ANKH: variants seen among roughly 807,000 people sequenced by gnomAD.
ANKH encodes the protein ANKH inorganic pyrophosphate transport regulator.
A neutral mutation model predicts 49.0 loss-of-function variants in ANKH; 15 were observed. That is an observed-to-expected ratio of 0.31 (90% confidence interval 0.20 to 0.47). The LOEUF is 0.47. Ranked by LOEUF, ANKH falls within the 20% of genes least tolerant of loss-of-function variation. The probability of loss-of-function intolerance (pLI) is 1.00; values close to 1 mark genes in which losing one functional copy is unlikely to be tolerated. For synonymous variants in ANKH, 273 were observed against 260.0 expected, an observed-to-expected ratio of 1.05 and a Z score of -0.48; for missense variants, 429 against 652.0, an observed-to-expected ratio of 0.66 and a Z score of 3.72.
At position 14,862,003 on chromosome 5, in the gene ANKH, A is replaced by C. The variant is rs965828937; in HGVS notation, c.96+9349T>G. 8.5e-5 allele frequency among the ~76,000 whole-genome samples: 13 copies of C among 152,350 alleles called. 1 individual carries two copies. The highest frequency in any genetic ancestry group is 2.9e-4 in the African/African-American group (12 of 41,582). The stretch of plus-strand genomic sequence containing the variant: ...GTAATCCCAGCACTTTGGGAGGCCA[A>C]GGCAGGTGGATCACTTGAGGTCAGG... On this transcript the variant is annotated intron_variant, in intron 1 of 11. Transcript: ENST00000284268.
Position 14,871,617 on chromosome 5 carries a change from T to A in ANKH, c.-170A>T, listed in dbSNP as rs2126640821. ...GCTCCTCCTCGCGGCTGCGGCGCCT[T>A]CTCCGAGCGCGGCTGCTCTAGCAGG... On this transcript the variant is annotated 5_prime_UTR_variant, in exon 1 of 12. Coordinates refer to ENST00000284268, the MANE Select transcript of ANKH (RefSeq NM_054027.6). The A allele has an allele frequency of 5.7e-6, 1 of 174,924 alleles. No individual in the cohort carries two copies. The allele number at this position is 174,924 out of a possible 1,614,324, so 10.8% of individuals were successfully genotyped here. A position where few individuals can be genotyped will look rare whatever the true frequency, so the allele number is the denominator to read the frequency against.
intron 1 of ANKH, among the ~76,000 whole-genome samples, chr5:14,851,347 C>T (rs1224335394): frequency 6.6e-6 from 1 of 152,184 alleles, no homozygotes; most frequent in African/African-American, 2.4e-5. Flanking sequence ...AAGTGCCATT[C>T]GGGGCTCAGA....
chr5:14,794,730 C>T (rs1740317862), intron 1 of ANKH, among the ~76,000 whole-genome samples: 2 of 152,226 alleles, frequency 1.3e-5, no homozygotes, highest in African/African-American at 4.8e-5. Flanking sequence ...ATATAAGAAG[C>T]TTGCTCCTGA....
intron 4 of ANKH, among the ~76,000 whole-genome samples, chr5:14,752,344 A>G (rs908531805): frequency 6.6e-6 from 1 of 152,216 alleles, no homozygotes; most frequent in East Asian, 1.9e-4. Flanking sequence ...AAAAAACACC[A>G]ACAGTAATAA....
Position 14,770,914 on chromosome 5 carries a change from T to A in ANKH, c.97-1723A>T, listed in dbSNP as rs1382688823. 6.6e-6 allele frequency among the ~76,000 whole-genome samples: 1 copy of A among 152,242 alleles called. No individual in the cohort carries two copies. Among genetic ancestry groups the A allele is most frequent in the Non-Finnish European group, 1.5e-5 (1 of 68,042 alleles). On this transcript the variant is annotated intron_variant, in intron 1 of 11. Transcript: ENST00000284268. This position sits in a 1 kb window ranked among gnomAD's most constrained non-coding sequence, Gnocchi z 4.1. Reference sequence around the variant, plus strand: ...TCTTGGCCCTGCCATTTGTCACTCATCCAATAGAGACACAATCACATTCAT... The same window carrying A: ...TCTTGGCCCTGCCATTTGTCACTCAACCAATAGAGACACAATCACATTCAT...
chr5:14,750,606 G>A (rs75536596), intron 5 of ANKH, among the ~76,000 whole-genome samples: 162 of 152,276 alleles, frequency 1.1e-3, no homozygotes, highest in Non-Finnish European at 1.8e-3. Context: ...GGTACCTAAC[G>A]TTGTGCTTGG....
In ANKH at chr5:14,713,110, A is replaced by C; in HGVS notation, c.1266-137T>G. 2 of 857,820 alleles carry C rather than the reference A, an allele frequency of 2.3e-6. No individual in the cohort carries two copies. Among genetic ancestry groups the C allele is most frequent in the Non-Finnish European group, 1.9e-6 (1 of 531,380 alleles). 53.1% of individuals were successfully genotyped at this position (857,820 alleles called of 1,614,324 possible). ...GCGTTCTCCATCTGCTGGCTTCGTA[A>C]GGGCCGCAGCTAATAACCTAATGTG... On this transcript the variant is annotated intron_variant, in intron 10 of 11. Transcript: ENST00000284268. This position sits in a 1 kb window ranked among gnomAD's most constrained non-coding sequence, Gnocchi z 4.4.
At chr5:14,755,977 C>T in intron 3 of ANKH, 33 bp from the exon 4 acceptor site, 2 of 1,563,036 alleles carry the variant, frequency 1.3e-6, no homozygotes, top group Non-Finnish European at 8.8e-7. Context: ...GCATGAGATA[C>T]ACCTTCAGGA....
At chr5:14,747,775 A>C (rs1738585282) in intron 6 of ANKH, among the ~76,000 whole-genome samples, 1 of 152,184 alleles carries the variant, frequency 6.6e-6, no homozygotes, top group Non-Finnish European at 1.5e-5. Context: ...ATGTGAAGAA[A>C]GTGTGGTGTG....
At chr5:14,869,737 T>C (rs1159878330) in intron 1 of ANKH, 2 of 152,214 alleles carry the variant, frequency 1.3e-5, no homozygotes, top group African/African-American at 2.4e-5. Flanking sequence ...TATTGTGGTA[T>C]GCGTCAGGTG....
chr5:14,721,661 G>C (rs569937945), intron 8 of ANKH, among the ~76,000 whole-genome samples: 3 of 152,158 alleles, frequency 2.0e-5, no homozygotes, highest in African/African-American at 7.2e-5. Context: ...GCTGGGCGTG[G>C]TGGCTCATGC....
intron 11 of ANKH, among the ~76,000 whole-genome samples, chr5:14,712,141 C>T (rs886894721): frequency 6.6e-6 from 1 of 152,254 alleles, no homozygotes; most frequent in African/African-American, 2.4e-5. Flanking sequence ...TCTACCATCT[C>T]AGCCCACACC....
intron 1 of ANKH, among the ~76,000 whole-genome samples, chr5:14,824,480 C>T (rs1425696982): frequency 6.6e-6 from 1 of 152,138 alleles, no homozygotes; most frequent in Non-Finnish European, 1.5e-5. Context: ...TAAAACACAA[C>T]AGCTCAATGT....
chr5:14,713,398 G>T lies in ANKH; in HGVS notation c.1265+146C>A. 1 of 1,218,570 alleles carries T rather than the reference G, an allele frequency of 8.2e-7. No homozygotes were observed. The highest frequency in any genetic ancestry group is 1.2e-6 in the Non-Finnish European group (1 of 851,028). 75.5% of individuals were successfully genotyped at this position (1,218,570 alleles called of 1,614,324 possible). A position where few individuals can be genotyped will look rare whatever the true frequency, so the allele number is the denominator to read the frequency against. On this transcript the variant is annotated intron_variant, in intron 10 of 11. Transcript: ENST00000284268. The surrounding 1 kb of genome is among the most constrained non-coding windows in gnomAD (Gnocchi z 4.4). Reference sequence around the variant, plus strand: ...TGGATCCCAAGAGCCTCCACCTGGTGCCTGGGCAGACACACAAAACATCAT... The same window carrying T: ...TGGATCCCAAGAGCCTCCACCTGGTTCCTGGGCAGACACACAAAACATCAT...
intron 8 of ANKH, among the ~76,000 whole-genome samples, chr5:14,728,459 C>G (rs1340761520): frequency 1.3e-5 from 2 of 152,216 alleles, no homozygotes; most frequent in African/African-American, 4.8e-5. Flanking sequence ...CTTTTCTCAT[C>G]CCCCATACAC....
chr5:14,864,587 T>C (rs983550048), intron 1 of ANKH, among the ~76,000 whole-genome samples: 4 of 152,166 alleles, frequency 2.6e-5, no homozygotes, highest in African/African-American at 7.2e-5. Flanking sequence ...TTTCTATGTA[T>C]GAATTGGACA....
At chr5:14,788,585 T>G (rs1485219523) in intron 1 of ANKH, among the ~76,000 whole-genome samples, 1 of 152,248 alleles carries the variant, frequency 6.6e-6, no homozygotes, top group Non-Finnish European at 1.5e-5. Flanking sequence ...GGCTTATATC[T>G]GATCATCAGT....
At position 14,713,337 on chromosome 5, in the gene ANKH, G is replaced by A. The variant is rs1000845982; in HGVS notation, c.1265+207C>T. Among the ~76,000 whole-genome samples, 6 of 152,204 alleles carry A rather than the reference G, an allele frequency of 3.9e-5. No homozygotes were observed. The highest frequency in any genetic ancestry group is 1.4e-4 in the African/African-American group (6 of 41,448). ...GACAGGAGCTCAGTGGCTATTATTC[G>A]TGTCTGGGCCTGATTTCAAAAGCAC... On this transcript the variant is annotated intron_variant, in intron 10 of 11. Coordinates refer to ENST00000284268, the MANE Select transcript of ANKH (RefSeq NM_054027.6). This position sits in a 1 kb window ranked among gnomAD's most constrained non-coding sequence, Gnocchi z 4.4.
chr5:14,731,631 T>C (rs1042323000), intron 8 of ANKH, among the ~76,000 whole-genome samples: 2 of 152,170 alleles, frequency 1.3e-5, no homozygotes, highest in African/African-American at 4.8e-5. Context: ...GTTCCCAGCA[T>C]GAACTCATCT....
Sources: allele counts gnomAD v4.1 joint callset (sites outside exome capture counted in the v4.1 genomes callset), GRCh38; gene constraint gnomAD v4.1.1; non-coding constraint Gnocchi (gnomAD v3.1); transcripts MANE v1.5; gene names NCBI Gene and HGNC (gene_info 2026-07-23, HGNC 2026-07-21).